MADD: variants seen among roughly 807,000 people sequenced by gnomAD.
MADD encodes MAP kinase-activating death domain protein.
A neutral mutation model predicts 176.7 loss-of-function variants in MADD; 109 were observed. The observed-to-expected ratio is 0.62, with a 90% confidence interval of 0.53 to 0.72. The LOEUF (loss-of-function observed/expected upper bound fraction) is 0.72. Ranked by LOEUF, MADD falls within the 30% of genes least tolerant of loss-of-function variation. MADD has a pLI of 0.00. For synonymous variants in MADD, 771 were observed against 771.3 expected (o/e 1.00, Z 0.01); for missense variants, 1,914 against 2,045.5 (o/e 0.94, Z 1.24).
chr11:47,329,457 CT>C, exon 33 of MADD: 1 of 357,380 alleles, frequency 2.8e-6, no homozygotes, highest in Non-Finnish European at 5.3e-6. Context: ...GTTGTGGTTC[CT>C]TGTCCTTGTC....
At chr11:47,283,896 T>C (rs2058847580) in intron 10 of MADD, among the ~76,000 whole-genome samples, 1 of 152,156 alleles carries the variant, frequency 6.6e-6, no homozygotes, top group African/African-American at 2.4e-5. Context: ...TTAGTAGAGA[T>C]GGTGTTTCAC....
intron 32 of MADD, 106 bp downstream of exon 36, chr11:47,328,810 G>A (rs547233408): frequency 6.9e-7 from 1 of 1,454,442 alleles, no homozygotes; most frequent in Non-Finnish European, 9.5e-7. Context: ...GGTGAGTGGG[G>A]ACCTCGTTTT....
chr11:47,282,135 C>CAA (rs901410958), intron 8 of MADD, among the ~76,000 whole-genome samples: 5 of 152,056 alleles, frequency 3.3e-5, no homozygotes, highest in Non-Finnish European at 5.9e-5. Context: ...GCACCCAGCC[C>CAA]AGGGTTTCTT....
At chr11:47,322,602 A>T (rs1416821213) in intron 27 of MADD, among the ~76,000 whole-genome samples, 1 of 152,122 alleles carries the variant, frequency 6.6e-6, no homozygotes, top group Non-Finnish European at 1.5e-5. Flanking sequence ...ACAGAGCGAG[A>T]TCCGTCTCAA....
intron 15 of MADD, 136 bp from the exon 17 acceptor site, chr11:47,289,255 A>T: frequency 1.2e-6 from 1 of 817,594 alleles, no homozygotes; most frequent in Non-Finnish European, 2.0e-6. Flanking sequence ...GTTTCTACCT[A>T]CGTATGATGC....
chr11:47,289,483 A>C, exon 16 of MADD: 2 of 1,614,080 alleles, frequency 1.2e-6, no homozygotes. Context: ...GGGTCGATCC[A>C]GCAATTCTAG....
intron 6 of MADD, among the ~76,000 whole-genome samples, chr11:47,278,590 A>G (rs951531057): frequency 2.0e-5 from 3 of 152,164 alleles, no homozygotes. Flanking sequence ...TCATCTCTTA[A>G]TGGTTTCCCT....
rs2050361056 is a variant in MADD at position 47,276,808 on chromosome 11, AGT to A, written c.1041_1042del (p.Met349ValfsTer43). 6.2e-7 allele frequency: 1 copy of A among 1,614,058 alleles called. No homozygotes were observed. The highest frequency in any genetic ancestry group is 1.7e-5 in the Admixed American group (1 of 60,016). On this transcript the variant is annotated frameshift_variant, in exon 5 of 33. Transcript: ENST00000402192. LOFTEE classifies it high-confidence loss of function. ...TTCGTGGCAATGATCTACCCACTGG[AGT>A]ATATGTTTCCTGTCATCCCGCTGCT...
chr11:47,295,771 TC>T (rs1243628892), intron 21 of MADD, 125 bp from the exon 24 acceptor site: 6 of 1,523,782 alleles, frequency 3.9e-6, no homozygotes, highest in Non-Finnish European at 5.3e-6. Context: ...AGAAGGTACT[TC>T]CAGAGGCTAT....
chr11:47,317,387 T>C (rs529378291), intron 27 of MADD, among the ~76,000 whole-genome samples: 2 of 152,348 alleles, frequency 1.3e-5, no homozygotes, highest in African/African-American at 4.8e-5. Flanking sequence ...TTGGTTGATA[T>C]AATTCTTAAG....
At chr11:47,285,146 A>G (rs2059708667) in exon 13 of MADD, 1 of 1,614,088 alleles carries the variant, frequency 6.2e-7, no homozygotes. Flanking sequence ...GAGGATGAGC[A>G]GGGGGAAAGT....
chr11:47,307,812 G>A (rs1375706985), intron 22 of MADD, among the ~76,000 whole-genome samples: 2 of 152,080 alleles, frequency 1.3e-5, no homozygotes, highest in East Asian at 3.9e-4. Flanking sequence ...GGGACTATAG[G>A]TGCATGCCAC....
intron 31 of MADD, chr11:47,328,253 GGACACAAGCTAGA>G: frequency 9.0e-7 from 1 of 1,105,892 alleles, no homozygotes; most frequent in Non-Finnish European, 1.1e-6. Flanking sequence ...CAGCAAAGTT[GGACACAAGCTAGA>G]GAGAGCTCTC....
chr11:47,286,578 A>G (rs1451371348), intron 15 of MADD, 44 bp downstream of exon 15: 2 of 1,477,424 alleles, frequency 1.4e-6, no homozygotes, highest in African/African-American at 2.8e-5. Context: ...TCTCCGGGAG[A>G]TGTTTCGGGC....
At chr11:47,290,964 T>A in intron 19 of MADD, 148 bp downstream of exon 20, 1 of 638,554 alleles carries the variant, frequency 1.6e-6, no homozygotes, top group Non-Finnish European at 2.7e-6. Context: ...CTGGTGGTGT[T>A]TCTTTGTACT....
At chr11:47,315,186 T>C in intron 26 of MADD, 34 bp from the exon 30 acceptor site, 1 of 1,330,808 alleles carries the variant, frequency 7.5e-7, no homozygotes, top group Non-Finnish European at 1.1e-6. Context: ...GAGAGGGATG[T>C]ATGACTGTCC....
chr11:47,277,245 A>G (rs1465089990), intron 5 of MADD, among the ~76,000 whole-genome samples: 1 of 148,382 alleles, frequency 6.7e-6, no homozygotes, highest in Non-Finnish European at 1.5e-5. Context: ...ATACCGTTTA[A>G]TTTATGAATT....
At chr11:47,290,543 C>T in intron 18 of MADD, 67 bp from the exon 20 acceptor site, 1 of 1,493,536 alleles carries the variant, frequency 6.7e-7, no homozygotes, top group Middle Eastern at 1.8e-4. Context: ...CTGGCTCCTC[C>T]CACCTCATAT....
At chr11:47,289,542 G>C (rs1175987271) in intron 16 of MADD, 49 bp downstream of exon 17, 9 of 1,506,144 alleles carry the variant, frequency 6.0e-6, no homozygotes, top group Non-Finnish European at 8.3e-6. Flanking sequence ...GAGGTGGGGT[G>C]GTTCCTCTAC....
Sources: gnomAD v4.1 joint callset for allele counts (sites outside exome capture counted in the v4.1 genomes callset) on GRCh38, gnomAD v4.1.1 for gene constraint, MANE v1.5 for transcripts, NCBI Gene and HGNC (gene_info 2026-07-23, HGNC 2026-07-21) for gene names.